The following GLIS3 variants were observed in gnomAD, a reference collection of about 807,000 sequenced individuals.
GLIS3 encodes GLIS family zinc finger 3, also known as zinc finger protein GLIS3.
In GLIS3, 53 loss-of-function variants were observed where a neutral mutation model predicts 78.6. The ratio of observed to expected loss-of-function variants is 0.67; its 90% CI spans 0.54 to 0.85. The LOEUF is 0.85. Among genes scored for constraint, GLIS3 ranks in the 40% least tolerant of loss-of-function variants. The pLI is 0.00. For missense variants in GLIS3, 1,703 were observed against 1,231.1 expected, an observed-to-expected ratio of 1.38 and a Z score of -5.74; for synonymous variants, 684 against 509.9, an observed-to-expected ratio of 1.34 and a Z score of -4.60.
chr9:4,315,344 G>A (rs932499301), intron 2 of GLIS3, among the ~76,000 whole-genome samples: 1 of 152,128 alleles, frequency 6.6e-6, no homozygotes, highest in African/African-American at 2.4e-5. Flanking sequence ...GGTTTGCCGG[G>A]AGACTCTGGG....
intron 2 of GLIS3, among the ~76,000 whole-genome samples, chr9:4,177,691 G>A (rs1408741122): frequency 2.0e-5 from 3 of 152,214 alleles, no homozygotes; most frequent in African/African-American, 7.2e-5. Flanking sequence ...GCTAAGATTG[G>A]ATGAGTTTGG....
intron 2 of GLIS3, among the ~76,000 whole-genome samples, chr9:4,251,761 T>C (rs1389403788): frequency 6.6e-6 from 1 of 152,196 alleles, no homozygotes; most frequent in Non-Finnish European, 1.5e-5. Flanking sequence ...CCTTTCCATG[T>C]TTAGTGCTTC....
chr9:4,011,338 A>C (rs1821989226), intron 4 of GLIS3, among the ~76,000 whole-genome samples: 2 of 152,220 alleles, frequency 1.3e-5, no homozygotes, highest in African/African-American at 4.8e-5. Context: ...TCTGTCCTCA[A>C]GGAGTTTGTG....
At chr9:4,446,066 C>G in the GLIS3 span, among the ~76,000 whole-genome samples, 1 of 152,102 alleles carries the variant, frequency 6.6e-6, no homozygotes, top group Non-Finnish European at 1.5e-5. Flanking sequence ...TGGTGTGTTG[C>G]CAAACAAAAT....
At chr9:4,094,306 T>C (rs979428649) in intron 4 of GLIS3, among the ~76,000 whole-genome samples, 3 of 152,188 alleles carry the variant, frequency 2.0e-5, no homozygotes, top group Non-Finnish European at 4.4e-5. Flanking sequence ...GTAGGAGAAA[T>C]TGACATGCTC....
intron 2 of GLIS3, among the ~76,000 whole-genome samples, chr9:4,214,342 C>A (rs73400410): frequency 0.023 from 3,540 of 152,290 alleles, 144 homozygotes; most frequent in African/African-American, 0.081. Context: ...AGAATTTCTG[C>A]AAACTTTAAG....
intron 2 of GLIS3, among the ~76,000 whole-genome samples, chr9:4,158,254 G>C (rs770342778): frequency 7.2e-5 from 11 of 152,102 alleles, no homozygotes; most frequent in Non-Finnish European, 1.2e-4. Flanking sequence ...GGAAAGACGA[G>C]CTTTTAGCAA....
At chr9:4,077,739 C>T (rs1828202444) in intron 4 of GLIS3, among the ~76,000 whole-genome samples, 1 of 152,150 alleles carries the variant, frequency 6.6e-6, no homozygotes, top group South Asian at 2.1e-4. Context: ...TGGTCCTGTT[C>T]TCTTGTCAGC....
Position 3,953,760 on chromosome 9 carries a change from GCTCTCTCTCTCT to G in GLIS3, c.1711-16583_1711-16572del, listed in dbSNP as rs71507912. Among the ~76,000 whole-genome samples the G allele has an allele frequency of 3.8e-4, 39 of 103,410 alleles. No individual in the cohort carries two copies. The East Asian group carries it at 4.7e-3, about 12-fold the overall frequency. 67.8% of individuals were successfully genotyped at this position (103,410 alleles called of 152,430 possible). On this transcript the variant is annotated intron_variant, in intron 4 of 10. Transcript: ENST00000381971. Reference sequence around the variant, plus strand: ...AATATTGCCAATGATAATTAGATTTGCTCTCTCTCTCTCTCTCTCTCTCTCTCTCTCTCTCTA... The same window carrying G: ...AATATTGCCAATGATAATTAGATTTGCTCTCTCTCTCTCTCTCTCTCTCTA...
At chr9:3,941,024 A>G (rs1333910781) in intron 4 of GLIS3, among the ~76,000 whole-genome samples, 1 of 152,184 alleles carries the variant, frequency 6.6e-6, no homozygotes, top group Non-Finnish European at 1.5e-5. Context: ...TGACCCCAGA[A>G]TCAGAATGCT....
At chr9:4,073,647 T>G (rs1294340202) in intron 4 of GLIS3, among the ~76,000 whole-genome samples, 1 of 152,056 alleles carries the variant, frequency 6.6e-6, no homozygotes, top group East Asian at 1.9e-4. Flanking sequence ...TTTCTCTCCC[T>G]CAAAGAACTC....
At chr9:3,891,716 A>G (rs903947087) in intron 7 of GLIS3, among the ~76,000 whole-genome samples, 3 of 152,144 alleles carry the variant, frequency 2.0e-5, no homozygotes, top group Non-Finnish European at 4.4e-5. Context: ...GAAAAGACAC[A>G]AAATATTGTC....
At chr9:3,934,105 T>C (rs1825764312) in intron 5 of GLIS3, among the ~76,000 whole-genome samples, 1 of 152,234 alleles carries the variant, frequency 6.6e-6, no homozygotes, top group Non-Finnish European at 1.5e-5. Flanking sequence ...AGTGAGTTTA[T>C]TATTGGCTAA....
chr9:4,023,769 A>G (rs1235704325), intron 4 of GLIS3, among the ~76,000 whole-genome samples: 1 of 152,198 alleles, frequency 6.6e-6, no homozygotes, highest in Non-Finnish European at 1.5e-5. Flanking sequence ...TTCCTGTTGC[A>G]ATGAGACAGA....
chr9:4,006,232 G>A (rs1462307807), intron 4 of GLIS3, among the ~76,000 whole-genome samples: 1 of 147,618 alleles, frequency 6.8e-6, no homozygotes, highest in African/African-American at 2.5e-5. Flanking sequence ...TTGCCTGACA[G>A]GTAAACAGCA....
chr9:4,442,778 G>C, the GLIS3 span, among the ~76,000 whole-genome samples: 2 of 151,894 alleles, frequency 1.3e-5, no homozygotes, highest in Non-Finnish European at 2.9e-5. Flanking sequence ...TAAAATGAAG[G>C]CTTATTTTAA....
intron 4 of GLIS3, among the ~76,000 whole-genome samples, chr9:3,964,990 C>T (rs1158402515): frequency 1.3e-5 from 2 of 151,902 alleles, no homozygotes; most frequent in Non-Finnish European, 1.5e-5. Flanking sequence ...CCGTTAACTA[C>T]CAATTGTGTG....
At chr9:4,132,454 A>C (rs1031698666) in intron 2 of GLIS3, among the ~76,000 whole-genome samples, 9 of 152,228 alleles carry the variant, frequency 5.9e-5, no homozygotes, top group Non-Finnish European at 1.3e-4. Context: ...CATCATTCAG[A>C]ACTATTTATG....
At chr9:4,205,029 A>G (rs771392058) in intron 2 of GLIS3, among the ~76,000 whole-genome samples, 137 of 152,068 alleles carry the variant, frequency 9.0e-4, no homozygotes, top group Non-Finnish European at 1.7e-3. Context: ...TACAAAAATT[A>G]GCTGGGCGTG....
Sources: gnomAD v4.1 joint callset for allele counts (sites outside exome capture counted in the v4.1 genomes callset) on GRCh38, gnomAD v4.1.1 for gene constraint, MANE v1.5 for transcripts, NCBI Gene and HGNC (gene_info 2026-07-23, HGNC 2026-07-21) for gene names.